The following PLSCR4 variants were observed in gnomAD, a reference collection of about 807,000 sequenced individuals.
The protein encoded by PLSCR4 is phospholipid scramblase 4.
A neutral mutation model predicts 36.3 loss-of-function variants in PLSCR4; 25 were observed. The observed-to-expected ratio is 0.69, with a 90% confidence interval of 0.50 to 0.96. The LOEUF is 0.96. PLSCR4 is among the 40% of genes least tolerant of loss of function. The pLI is 0.00. For synonymous variants in PLSCR4, 122 were observed against 132.9 expected, an observed-to-expected ratio of 0.92 and a Z score of 0.56; for missense variants, 408 against 414.7, an observed-to-expected ratio of 0.98 and a Z score of 0.14.
chr3:146,200,102 G>A (rs1179377127), intron 5 of PLSCR4, 63 bp from the exon 6 acceptor site: 3 of 959,208 alleles, frequency 3.1e-6, no homozygotes, highest in Admixed American at 4.0e-5. Context: ...GAAAGTCCTT[G>A]TTTAGTATTT....
intron 6 of PLSCR4, among the ~76,000 whole-genome samples, chr3:146,198,737 C>T (rs75982061): frequency 6.6e-6 from 1 of 152,064 alleles, no homozygotes; most frequent in East Asian, 1.9e-4. Context: ...TTTATTCTGG[C>T]TTCCTATAAT....
intron 3 of PLSCR4, among the ~76,000 whole-genome samples, chr3:146,220,372 G>A (rs2035077797): frequency 6.6e-6 from 1 of 152,110 alleles, no homozygotes; most frequent in Non-Finnish European, 1.5e-5. Flanking sequence ...TGTGTCTCAT[G>A]CATGCCTCAT....
At chr3:146,237,360 C>T (rs1364600521) in intron 1 of PLSCR4, among the ~76,000 whole-genome samples, 1 of 152,086 alleles carries the variant, frequency 6.6e-6, no homozygotes, top group Non-Finnish European at 1.5e-5. Flanking sequence ...GGGAAATACA[C>T]ATACATTATG....
At chr3:146,209,949 A>C (rs150974703) in intron 3 of PLSCR4, among the ~76,000 whole-genome samples, 3 of 152,120 alleles carry the variant, frequency 2.0e-5, no homozygotes, top group Non-Finnish European at 4.4e-5. Context: ...AAGATATTTT[A>C]TGTTAAGATT....
intron 4 of PLSCR4, 28 bp downstream of exon 4, chr3:146,206,495 TAAG>T (rs1444409993): frequency 1.3e-6 from 2 of 1,501,826 alleles, no homozygotes; most frequent in East Asian, 4.5e-5. Flanking sequence ...TCACATTTCA[TAAG>T]AAAATAATTT....
intron 4 of PLSCR4, among the ~76,000 whole-genome samples, chr3:146,202,393 T>C (rs1232448676): frequency 2.0e-5 from 3 of 152,126 alleles, no homozygotes; most frequent in Admixed American, 6.6e-5. Flanking sequence ...TACACTATAA[T>C]GTAGTCTACA....
intron 2 of PLSCR4, 87 bp downstream of exon 2, chr3:146,221,978 T>A: frequency 1.6e-6 from 1 of 639,630 alleles, no homozygotes; most frequent in Non-Finnish European, 2.5e-6. Flanking sequence ...CAAAAAAAAA[T>A]CGAAATAAAG....
chr3:146,241,729 A>T (rs1459639232), intron 1 of PLSCR4, among the ~76,000 whole-genome samples: 1 of 152,182 alleles, frequency 6.6e-6, no homozygotes, highest in African/African-American at 2.4e-5. Context: ...TTTTCAACGT[A>T]CGGAACATTC....
At chr3:146,226,864 TAAAGA>T (rs550987103) in intron 1 of PLSCR4, among the ~76,000 whole-genome samples, 102 of 152,352 alleles carry the variant, frequency 6.7e-4, no homozygotes, top group African/African-American at 2.2e-3. Context: ...TCAATGAGTT[TAAAGA>T]AAAGAAAACT....
intron 3 of PLSCR4, among the ~76,000 whole-genome samples, chr3:146,209,288 A>C (rs1348839166): frequency 6.6e-6 from 1 of 152,088 alleles, no homozygotes; most frequent in Non-Finnish European, 1.5e-5. Context: ...GGGGTGAGGG[A>C]TAAAAGGCTA....
At chr3:146,200,667 T>G (rs1465996878) in intron 5 of PLSCR4, among the ~76,000 whole-genome samples, 1 of 152,112 alleles carries the variant, frequency 6.6e-6, no homozygotes, top group South Asian at 2.1e-4. Flanking sequence ...TAAATGCTAT[T>G]TCCTGATCTG....
chr3:146,243,350 T>C (rs1365462003), intron 1 of PLSCR4, among the ~76,000 whole-genome samples: 1 of 151,936 alleles, frequency 6.6e-6, no homozygotes, highest in Non-Finnish European at 1.5e-5. Context: ...CCAAAACTCT[T>C]GAAAAACAAA....
At chr3:146,228,272 T>C (rs1252862593) in intron 1 of PLSCR4, among the ~76,000 whole-genome samples, 11 of 152,194 alleles carry the variant, frequency 7.2e-5, no homozygotes, top group Non-Finnish European at 1.5e-5. Flanking sequence ...CAAGAATAAA[T>C]GTGTGTGTTT....
At chr3:146,244,390 C>CA (rs2036266131) in intron 1 of PLSCR4, among the ~76,000 whole-genome samples, 1 of 152,034 alleles carries the variant, frequency 6.6e-6, no homozygotes, top group South Asian at 2.1e-4. Context: ...ACAGATACTC[C>CA]ATTTTTTTAA....
At position 146,192,410 on chromosome 3, in the gene PLSCR4, G is replaced by T. The variant is rs992437429; in HGVS notation, c.*2001C>A. The stretch of plus-strand genomic sequence containing the variant: ...AAAGCATGAACGCACAAATTCCAGA[G>T]AATTTGTTTTTTAATCAATCCGATC... On this transcript the variant is annotated 3_prime_UTR_variant, in exon 9 of 9. Coordinates refer to ENST00000354952, the MANE Select transcript of PLSCR4 (RefSeq NM_020353.3). 13 of 150,672 alleles carry T rather than the reference G, an allele frequency of 8.6e-5. No homozygotes were observed. Among genetic ancestry groups the T allele is most frequent in the African/African-American group, 3.2e-4 (13 of 41,196 alleles). The allele number at this position is 150,672 out of a possible 1,614,324, so 9.3% of individuals were successfully genotyped here.
In PLSCR4 at chr3:146,196,569, TTTCCATG is replaced by T. The variant is rs1482157414; in HGVS notation, c.786+56_786+62del. 1.1e-5 allele frequency: 17 copies of T among 1,504,176 alleles called. No individual in the cohort carries two copies. The African/African-American group carries it at 2.2e-4, about 19-fold the overall frequency. The allele number at this position is 1,504,176 out of a possible 1,614,324, so 93.2% of individuals were successfully genotyped here. ...AAAAAAAAATGTCTACAACCAGATC[TTTCCATG>T]GTCTGTTAATATGAGTAGGAAAAAT... On this transcript the variant is annotated intron_variant, in intron 7 of 8. Transcript: ENST00000354952.
At chr3:146,211,071 C>T (rs529897035) in intron 3 of PLSCR4, among the ~76,000 whole-genome samples, 47 of 151,958 alleles carry the variant, frequency 3.1e-4, no homozygotes, top group Non-Finnish European at 5.4e-4. Context: ...GACATGTTTT[C>T]AGTTCTCTAG....
intron 3 of PLSCR4, among the ~76,000 whole-genome samples, chr3:146,208,243 C>T (rs1033911660): frequency 6.6e-6 from 1 of 152,094 alleles, no homozygotes; most frequent in African/African-American, 2.4e-5. Context: ...GAGAATGAAA[C>T]TGGATGCTCA....
chr3:146,210,187 ATT>A, intron 3 of PLSCR4, among the ~76,000 whole-genome samples: 1 of 152,146 alleles, frequency 6.6e-6, no homozygotes, highest in East Asian at 1.9e-4. Flanking sequence ...TATAATTTTT[ATT>A]GTCATTTTTA....
Sources: gnomAD v4.1 joint callset for allele counts (sites outside exome capture counted in the v4.1 genomes callset) on GRCh38, gnomAD v4.1.1 for gene constraint, MANE v1.5 for transcripts, NCBI Gene and HGNC (gene_info 2026-07-23, HGNC 2026-07-21) for gene names.